The following RNF216 variants were observed in gnomAD, a reference collection of about 807,000 sequenced individuals.
RNF216 encodes E3 ubiquitin-protein ligase RNF216.
In RNF216, 72 loss-of-function variants were observed where a neutral mutation model predicts 110.8. The ratio of observed to expected loss-of-function variants is 0.65; its 90% CI spans 0.54 to 0.79. The LOEUF is 0.79. Among genes scored for constraint, RNF216 ranks in the 30% least tolerant of loss-of-function variants. The pLI is 0.00. For synonymous variants in RNF216, 495 were observed against 407.5 expected (o/e 1.21, Z -2.59); for missense variants, 1,342 against 1,141.2 (o/e 1.18, Z -2.54).
intron 1 of RNF216, among the ~76,000 whole-genome samples, chr7:5,767,923 C>T (rs1303676649): frequency 6.6e-6 from 1 of 152,008 alleles, no homozygotes; most frequent in Non-Finnish European, 1.5e-5. Context: ...AAAGGTCAAG[C>T]CCAACCAAAG....
At chr7:5,744,271 A>C (rs769719581) in intron 3 of RNF216, among the ~76,000 whole-genome samples, 1 of 152,260 alleles carries the variant, frequency 6.6e-6, no homozygotes. Context: ...ATAGCATTTT[A>C]AGTAAATACA....
chr7:5,725,466 T>C (rs769841278), intron 7 of RNF216, 28 bp from the exon 8 acceptor site: 1 of 1,299,688 alleles, frequency 7.7e-7, no homozygotes, highest in Non-Finnish European at 1.1e-6. Context: ...GAAAGGTTCC[T>C]TCTGTAAATA....
At chr7:5,671,005 A>C (rs1240600158) in intron 13 of RNF216, among the ~76,000 whole-genome samples, 1 of 152,238 alleles carries the variant, frequency 6.6e-6, no homozygotes, top group African/African-American at 2.4e-5. Flanking sequence ...CCGGAGTGGC[A>C]GCCTGCTCTG....
At chr7:5,685,911 G>A (rs1422194672) in intron 13 of RNF216, among the ~76,000 whole-genome samples, 1 of 152,136 alleles carries the variant, frequency 6.6e-6, no homozygotes, top group African/African-American at 2.4e-5. Flanking sequence ...TCTATGTACT[G>A]ACCTTGTAGA....
chr7:5,727,684 G>T (rs1296183837), intron 7 of RNF216, among the ~76,000 whole-genome samples: 1 of 152,070 alleles, frequency 6.6e-6, no homozygotes, highest in Non-Finnish European at 1.5e-5. Flanking sequence ...AGCCACGATT[G>T]GGCCACTGTA....
At chr7:5,742,495 AAAATT>A (rs1187000051) in intron 3 of RNF216, among the ~76,000 whole-genome samples, 2 of 152,166 alleles carry the variant, frequency 1.3e-5, no homozygotes, top group Non-Finnish European at 2.9e-5. Context: ...AGCAAAATGA[AAAATT>A]AAAACAAGAC....
intron 5 of RNF216, among the ~76,000 whole-genome samples, chr7:5,736,600 G>T (rs1584539326): frequency 1.3e-5 from 2 of 151,282 alleles, no homozygotes; most frequent in South Asian, 4.2e-4. Flanking sequence ...GATATGAGGA[G>T]CCCCTCTGCC....
At position 5,622,922 on chromosome 7, in the gene RNF216, G is replaced by A. The variant is rs1334911070; in HGVS notation, c.2710C>T (p.His904Tyr). The part of the protein sequence containing the change: ...VRVNYDFGPI[H>Y]MPLEHNLPMH... The stretch of plus-strand genomic sequence containing the variant: ...GGCAGGTTGTGCTCCAGGGGCATGT[G>A]GATGGGACCGAAGTCATAGTTGACC... Residue 904 changes from histidine to tyrosine, a missense_variant, in exon 17 of 17, where the codon CAC becomes TAC. By Grantham distance (83) the His-to-Tyr change is moderately conservative (BLOSUM62 2). Transcript: ENST00000389902. 2 of 1,613,574 alleles carry A rather than the reference G, an allele frequency of 1.2e-6. No homozygotes were observed. The highest frequency in any genetic ancestry group is 4.5e-5 in the East Asian group (2 of 44,872).
At chr7:5,632,362 C>A (rs1787125435) in intron 15 of RNF216, among the ~76,000 whole-genome samples, 1 of 152,222 alleles carries the variant, frequency 6.6e-6, no homozygotes, top group African/African-American at 2.4e-5. Flanking sequence ...TCTCTGCTCT[C>A]CTTCTGGCCC....
chr7:5,777,853 C>T (rs185396813), intron 1 of RNF216, among the ~76,000 whole-genome samples: 51 of 152,150 alleles, frequency 3.4e-4, no homozygotes, highest in East Asian at 5.8e-4. Flanking sequence ...CTTCAGTGGG[C>T]GGGCTAAACA....
intron 13 of RNF216, among the ~76,000 whole-genome samples, chr7:5,668,425 G>A (rs983440403): frequency 2.0e-5 from 3 of 151,926 alleles, no homozygotes; most frequent in South Asian, 2.1e-4. Context: ...GGGTTTCACC[G>A]TGTTAGCCAG....
chr7:5,760,488 C>A (rs540088306), intron 2 of RNF216: 1 of 360,652 alleles, frequency 2.8e-6, no homozygotes, highest in Admixed American at 3.3e-5. Flanking sequence ...TGCACTCTGG[C>A]CTGGGCAATG....
At chr7:5,729,926 T>C (rs1317063015) in intron 6 of RNF216, among the ~76,000 whole-genome samples, 2 of 152,160 alleles carry the variant, frequency 1.3e-5, no homozygotes, top group Non-Finnish European at 2.9e-5. Context: ...AAAGAATCTA[T>C]GGGGAGTTGG....
chr7:5,685,071 G>A (rs772134704), intron 13 of RNF216, among the ~76,000 whole-genome samples: 4 of 152,144 alleles, frequency 2.6e-5, no homozygotes, highest in South Asian at 2.1e-4. Context: ...TGAAGGCAGC[G>A]TCTTGCCTGC....
At chr7:5,676,255 G>T (rs1790286291) in intron 13 of RNF216, among the ~76,000 whole-genome samples, 1 of 152,042 alleles carries the variant, frequency 6.6e-6, no homozygotes, top group African/African-American at 2.4e-5. Flanking sequence ...CAAGTGATCG[G>T]CCCGCCTTGG....
intron 3 of RNF216, among the ~76,000 whole-genome samples, chr7:5,745,058 C>A (rs890947717): frequency 6.6e-6 from 1 of 151,948 alleles, no homozygotes; most frequent in African/African-American, 2.4e-5. Flanking sequence ...TCAAGGATAT[C>A]ATACGTACAC....
intron 15 of RNF216, 46 bp downstream of exon 15, chr7:5,641,108 T>C (rs1449509830): frequency 1.4e-6 from 2 of 1,391,740 alleles, no homozygotes; most frequent in South Asian, 2.5e-5. Context: ...AAAATATATT[T>C]CTATTTTCTC....
intron 1 of RNF216, among the ~76,000 whole-genome samples, chr7:5,765,980 T>C (rs1487675921): frequency 8.1e-6 from 1 of 122,846 alleles, no homozygotes; most frequent in African/African-American, 3.0e-5. Context: ...AAGAAAGAAA[T>C]AGAAACATGA....
At chr7:5,642,095 A>G (rs1390266061) in intron 14 of RNF216, among the ~76,000 whole-genome samples, 4 of 151,196 alleles carry the variant, frequency 2.6e-5, no homozygotes, top group Non-Finnish European at 4.4e-5. Context: ...TGAGGTTTAG[A>G]TAAAGTGCAT....
Sources: allele counts gnomAD v4.1 joint callset (sites outside exome capture counted in the v4.1 genomes callset), GRCh38; gene constraint gnomAD v4.1.1; transcripts MANE v1.5; gene names NCBI Gene and HGNC (gene_info 2026-07-23, HGNC 2026-07-21).